Variants in RLBP1 observed in about 807,000 individuals in gnomAD.
The protein encoded by RLBP1 is retinaldehyde-binding protein 1.
A neutral mutation model predicts 36.2 loss-of-function variants in RLBP1; 26 were observed. That is an observed-to-expected ratio of 0.72 (90% CI 0.53 to 1.00). The LOEUF is 1.00. Ranked by LOEUF, RLBP1 falls within the 50% of genes least tolerant of loss-of-function variation. RLBP1 has a pLI of 0.00. For synonymous variants in RLBP1, 155 were observed against 156.2 expected (o/e 0.99, Z 0.06); for missense variants, 410 against 402.4 (o/e 1.02, Z -0.16).
Position 89,221,090 on chromosome 15 carries a change from C to A in RLBP1, c.-224+445G>T, listed in dbSNP as rs1258247532. On this transcript the variant is annotated intron_variant, in intron 1 of 8. Coordinates refer to ENST00000268125, the MANE Select transcript of RLBP1 (RefSeq NM_000326.5). ...TGGTGCGATCTCAGCTCACTGCAAC[C>A]TCTGCCTCCCAGGTTCAAGCAATTC... Among the ~76,000 whole-genome samples the A allele has an allele frequency of 4.6e-5, 7 of 151,282 alleles. No individual in the cohort carries two copies. In the East Asian group the frequency reaches 1.4e-3, roughly 30 times the overall value.
chr15:89,219,514 C>T (rs2051609948), intron 2 of RLBP1: 1 of 175,546 alleles, frequency 5.7e-6, no homozygotes, highest in Admixed American at 5.3e-5. Context: ...TTCCCCAATG[C>T]ATTCATTCTC....
chr15:89,213,417 T>G (rs145281122), intron 6 of RLBP1, among the ~76,000 whole-genome samples: 59 of 152,218 alleles, frequency 3.9e-4, no homozygotes, highest in Admixed American at 2.0e-3. Context: ...AAGAGTTCAG[T>G]AAAATAGGGG....
intron 6 of RLBP1, among the ~76,000 whole-genome samples, chr15:89,213,222 CT>C (rs894530360): frequency 2.0e-5 from 3 of 151,890 alleles, no homozygotes; most frequent in African/African-American, 7.3e-5. Flanking sequence ...ACTTCACCAT[CT>C]CTGCCACCAT....
Position 89,210,144 on chromosome 15 carries a change from T to G in RLBP1, c.*141A>C. 1 of 908,446 alleles carries G rather than the reference T, an allele frequency of 1.1e-6. No homozygotes were observed. The highest frequency in any genetic ancestry group is 1.8e-6 in the Non-Finnish European group (1 of 560,192). 56.3% of individuals were successfully genotyped at this position (908,446 alleles called of 1,614,324 possible). ...CCCATCCCCCAACTTGAGAACAGGG[T>G]GACACCTGAGCTCACTCGGGCTTAG... On this transcript the variant is annotated 3_prime_UTR_variant, in exon 9 of 9. Transcript: ENST00000268125. This position sits in a 1 kb window ranked among gnomAD's most constrained non-coding sequence, Gnocchi z 4.7.
chr15:89,221,545 G>A lies in RLBP1; in HGVS notation c.-234C>T, dbSNP rs779779512. 2.0e-5 allele frequency: 3 copies of A among 152,188 alleles called. No homozygotes were observed. The highest frequency in any genetic ancestry group is 6.5e-5 in the Admixed American group (1 of 15,282). 9.4% of individuals were successfully genotyped at this position (152,188 alleles called of 1,614,324 possible). A position where few individuals can be genotyped will look rare whatever the true frequency, so the allele number is the denominator to read the frequency against. ...CAGGTATTGACTTACCTGCCAGGTC[G>A]GCAGCTCCTCCTTGGGGCTACCTGG... is the stretch of plus-strand genomic sequence containing the variant. On this transcript the variant is annotated 5_prime_UTR_variant, in exon 1 of 9. Coordinates refer to ENST00000268125, the MANE Select transcript of RLBP1 (RefSeq NM_000326.5).
intron 4 of RLBP1, among the ~76,000 whole-genome samples, chr15:89,217,804 AT>A (rs1002355871): frequency 5.9e-5 from 9 of 151,816 alleles, no homozygotes; most frequent in African/African-American, 2.2e-4. Context: ...CTTGATTCTG[AT>A]TTTTTCAAAA....
chr15:89,220,948 G>A (rs919990950), intron 1 of RLBP1, among the ~76,000 whole-genome samples: 41 of 151,208 alleles, frequency 2.7e-4, no homozygotes, highest in African/African-American at 9.5e-4. Flanking sequence ...TGCTGATGCT[G>A]TTCCCTGCCA....
intron 1 of RLBP1, 69 bp from the exon 2 acceptor site, chr15:89,219,928 G>A (rs908771945): frequency 1.3e-5 from 2 of 152,232 alleles, no homozygotes; most frequent in Non-Finnish European, 1.5e-5. Flanking sequence ...ACCAGAACAG[G>A]TCCCATTCAT....
chr15:89,210,937 A>T lies in RLBP1; in HGVS notation c.685-128T>A, dbSNP rs535051712. 1.8e-5 allele frequency: 12 copies of T among 656,784 alleles called. No individual in the cohort carries two copies. Among genetic ancestry groups the T allele is most frequent in the Admixed American group, 1.1e-4 (5 of 45,304 alleles). 40.7% of individuals were successfully genotyped at this position (656,784 alleles called of 1,614,324 possible). On this transcript the variant is annotated intron_variant, in intron 7 of 8. Coordinates refer to ENST00000268125, the MANE Select transcript of RLBP1 (RefSeq NM_000326.5). The surrounding 1 kb of genome is among the most constrained non-coding windows in gnomAD (Gnocchi z 4.7). Reference sequence around the variant, plus strand: ...CAGCATCACAGGGCTGCCCTGGAGAAGGGCCCACTGAAGGTCCTATTTCCA... The same window carrying T: ...CAGCATCACAGGGCTGCCCTGGAGATGGGCCCACTGAAGGTCCTATTTCCA...
intron 6 of RLBP1, among the ~76,000 whole-genome samples, chr15:89,213,916 C>G (rs183792906): frequency 9.6e-4 from 146 of 152,134 alleles, no homozygotes; most frequent in Admixed American, 2.7e-3. Context: ...GCTAGAAAAG[C>G]CCCCCAAAAA....
At position 89,210,047 on chromosome 15, in the gene RLBP1, A is replaced by C; in HGVS notation, c.*238T>G. 2 of 568,926 alleles carry C rather than the reference A, an allele frequency of 3.5e-6. No individual in the cohort carries two copies. Among genetic ancestry groups the C allele is most frequent in the Non-Finnish European group, 6.3e-6 (2 of 317,588 alleles). The allele number at this position is 568,926 out of a possible 1,614,324, so 35.2% of individuals were successfully genotyped here. A position where few individuals can be genotyped will look rare whatever the true frequency, so the allele number is the denominator to read the frequency against. ...CCTTACACAAAAATCACTGTCTTAA[A>C]GCTTCAAGGGCAGGTGGAAATATAA... On this transcript the variant is annotated 3_prime_UTR_variant, in exon 9 of 9. Transcript: ENST00000268125. The surrounding 1 kb of genome is among the most constrained non-coding windows in gnomAD (Gnocchi z 4.7).
chr15:89,216,838 G>A (rs1039986221), intron 5 of RLBP1, among the ~76,000 whole-genome samples: 6 of 152,142 alleles, frequency 3.9e-5, no homozygotes, highest in African/African-American at 9.7e-5. Flanking sequence ...TCCTCCCCTC[G>A]TCACCCAAAT....
At position 89,210,071 on chromosome 15, in the gene RLBP1, A is replaced by G. The variant is rs1452973285; in HGVS notation, c.*214T>C. 5.0e-6 allele frequency: 3 copies of G among 594,516 alleles called. No homozygotes were observed. In the South Asian group the frequency reaches 5.9e-5, roughly 12 times the overall value. 36.8% of individuals were successfully genotyped at this position (594,516 alleles called of 1,614,324 possible). On this transcript the variant is annotated 3_prime_UTR_variant, in exon 9 of 9. Transcript: ENST00000268125. This position sits in a 1 kb window ranked among gnomAD's most constrained non-coding sequence, Gnocchi z 4.7. ...AAGCTTCAAGGGCAGGTGGAAATAT[A>G]ACTATCCCCAGTTCTTCTTGTTCAA...
intron 1 of RLBP1, among the ~76,000 whole-genome samples, chr15:89,221,070 C>G (rs568691597): frequency 2.1e-5 from 3 of 141,640 alleles, no homozygotes; most frequent in African/African-American, 8.0e-5. Flanking sequence ...TGCAATGGTG[C>G]GATCTCAGCT....
intron 5 of RLBP1, 77 bp downstream of exon 5, chr15:89,217,043 A>G: frequency 6.8e-7 from 1 of 1,465,876 alleles, no homozygotes; most frequent in Non-Finnish European, 9.5e-7. Flanking sequence ...AGGCCTGTTC[A>G]GTGCCAGGAT....
Position 89,210,514 on chromosome 15 carries a change from G to C in RLBP1, c.796-71C>G, listed in dbSNP as rs1488911436. The C allele has an allele frequency of 6.4e-7, 1 of 1,551,878 alleles. No homozygotes were observed. Among genetic ancestry groups the C allele is most frequent in the Non-Finnish European group, 8.9e-7 (1 of 1,125,428 alleles). ...TAAGGATGAGGGTTGAGGGAGGAAAGGGGCAGGAGGACAAAGCCCCATCAT... is the reference window on the plus strand; with the variant it reads ...TAAGGATGAGGGTTGAGGGAGGAAACGGGCAGGAGGACAAAGCCCCATCAT... On this transcript the variant is annotated intron_variant, in intron 8 of 8. Transcript: ENST00000268125. This position sits in a 1 kb window ranked among gnomAD's most constrained non-coding sequence, Gnocchi z 4.7.
At chr15:89,217,058 G>T in intron 5 of RLBP1, 62 bp downstream of exon 5, 1 of 1,545,642 alleles carries the variant, frequency 6.5e-7, no homozygotes. Context: ...CAGGATGAGA[G>T]CGGATAGCAT....
rs762121817 is a variant in RLBP1 at position 89,215,232 on chromosome 15, A to C, written c.353T>G (p.Val118Gly). 3.5e-5 allele frequency: 57 copies of C among 1,614,060 alleles called. No individual in the cohort carries two copies. The highest frequency in any genetic ancestry group is 4.6e-5 in the Non-Finnish European group (54 of 1,180,032). ...CTCAGGGTACTGCAGCCGGAAATTC[A>C]CATAGCCTGGAGGAAGGAGAGCAGA... is the stretch of plus-strand genomic sequence containing the variant. ...GRAYELLRGY[V>G]NFRLQYPELF... is the part of the protein sequence containing the mutation. Residue 118 changes from valine (V) to glycine (G), a missense_variant, in exon 6 of 9, where the codon GTG becomes GGG. Coordinates refer to ENST00000268125, the MANE Select transcript of RLBP1 (RefSeq NM_000326.5).
chr15:89,218,175 A>C lies in RLBP1; in HGVS notation c.141+390T>G, dbSNP rs1438315749. On this transcript the variant is annotated intron_variant, in intron 4 of 8. Coordinates refer to ENST00000268125, the MANE Select transcript of RLBP1 (RefSeq NM_000326.5). The surrounding 1 kb of genome is among the most constrained non-coding windows in gnomAD (Gnocchi z 4.6). ...AAGGCAAGACCCAGAGATGGAAAGC[A>C]ATCTGCCTAAGGTCACACAGCAAGC... Among the ~76,000 whole-genome samples the C allele has an allele frequency of 6.6e-6, 1 of 152,220 alleles. No individual in the cohort carries two copies. The highest frequency in any genetic ancestry group is 1.5e-5 in the Non-Finnish European group (1 of 68,038).
Sources: allele counts gnomAD v4.1 joint callset (sites outside exome capture counted in the v4.1 genomes callset), GRCh38; gene constraint gnomAD v4.1.1; non-coding constraint Gnocchi (gnomAD v3.1); transcripts MANE v1.5; gene names NCBI Gene and HGNC (gene_info 2026-07-23, HGNC 2026-07-21).